The following ERC1 variants were observed in gnomAD, a reference collection of about 807,000 sequenced individuals.
ERC1 encodes the protein ELKS/RAB6-interacting/CAST family member 1, also known as RAB6 interacting protein 2.
Under a neutral mutation model 132.0 loss-of-function variants are expected in ERC1, and 56 were observed. That is an observed-to-expected ratio of 0.42 (90% confidence interval 0.34 to 0.53). ERC1 has a LOEUF of 0.53. ERC1 is among the 20% of genes least tolerant of loss of function. ERC1 has a pLI of 0.03. For missense variants in ERC1, 1,202 were observed against 1,349.9 expected (o/e 0.89, Z 1.72); for synonymous variants, 478 against 476.1 (o/e 1.00, Z -0.05).
At chr12:1,022,622 C>T (rs769022938) in intron 1 of ERC1, among the ~76,000 whole-genome samples, 41 of 151,962 alleles carry the variant, frequency 2.7e-4, no homozygotes, top group African/African-American at 9.7e-4. Flanking sequence ...ATCGTGGGGT[C>T]GGTTACCCCA....
At chr12:1,446,522 T>G (rs1283009363) in intron 18 of ERC1, among the ~76,000 whole-genome samples, 2 of 152,230 alleles carry the variant, frequency 1.3e-5, no homozygotes, top group Non-Finnish European at 2.9e-5. Context: ...TTGAAGCTAC[T>G]TACTATTTCT....
chr12:1,081,424 A>G (rs887238727), intron 2 of ERC1, among the ~76,000 whole-genome samples: 9 of 152,290 alleles, frequency 5.9e-5, no homozygotes, highest in African/African-American at 2.2e-4. Context: ...ATCTTTGGGT[A>G]TTACCAGTTT....
rs573681390 is a variant in ERC1, at chr12:1,345,187, C to CTTTTTTT, written c.2781-26641_2781-26635dup. On this transcript the variant is annotated intron_variant, in intron 15 of 18. Transcript: ENST00000360905. ...AGAGAATTTCAGTAGAATATTTCTT[C>CTTTTTTT]TTTTTTTTTTTGAGACGGAGTCTCA... is the stretch of plus-strand genomic sequence containing the variant. Among the ~76,000 whole-genome samples the CTTTTTTT allele has an allele frequency of 8.6e-4, 113 of 131,490 alleles. 4 individuals are homozygous for CTTTTTTT. The highest frequency in any genetic ancestry group is 1.3e-3 in the Non-Finnish European group (83 of 62,534). The allele number at this position is 131,490 out of a possible 152,430, so 86.3% of individuals were successfully genotyped here. A position where few individuals can be genotyped will look rare whatever the true frequency, so the allele number is the denominator to read the frequency against.
intron 16 of ERC1, among the ~76,000 whole-genome samples, chr12:1,384,680 C>G (rs2089118040): frequency 6.6e-6 from 1 of 152,008 alleles, no homozygotes; most frequent in African/African-American, 2.4e-5. Flanking sequence ...AGTATTTTCC[C>G]CCTATATTTC....
intron 2 of ERC1, among the ~76,000 whole-genome samples, chr12:1,038,044 CAA>C (rs879737756): frequency 7.8e-5 from 9 of 114,708 alleles, no homozygotes; most frequent in Admixed American, 9.1e-5. Flanking sequence ...GACTCCGTCT[CAA>C]AAAAAAAAAA....
At chr12:1,335,140 G>T (rs1178827887) in intron 15 of ERC1, among the ~76,000 whole-genome samples, 6 of 152,046 alleles carry the variant, frequency 3.9e-5, no homozygotes, top group African/African-American at 9.7e-5. Flanking sequence ...AAGACGATGG[G>T]GTTTTCTAGA....
At chr12:1,120,251 C>G (rs1291130072) in intron 7 of ERC1, among the ~76,000 whole-genome samples, 1 of 152,090 alleles carries the variant, frequency 6.6e-6, no homozygotes, top group African/African-American at 2.4e-5. Flanking sequence ...GCCTCAGCCC[C>G]CAAAGCACAA....
At chr12:1,094,884 C>G (rs1431706723) in intron 3 of ERC1, among the ~76,000 whole-genome samples, 6 of 152,074 alleles carry the variant, frequency 3.9e-5, no homozygotes. Flanking sequence ...TTTACCCTCC[C>G]TTCTTTTTTA....
rs1305625216 is a variant in ERC1 at position 1,408,215 on chromosome 12, A to G, written c.2992A>G (p.Asn998Asp). 1.2e-6 allele frequency: 2 copies of G among 1,613,904 alleles called. No homozygotes were observed. Among genetic ancestry groups the G allele is most frequent in the African/African-American group, 2.7e-5 (2 of 74,930 alleles). The part of the protein sequence containing the change: ...EDDHFKSSHS[N>D]QTNHKPSPDQ... ...TGACCACTTCAAATCCTCCCATTCC[A>G]ATCAAACAAATCACAAGCCCTCCCC... Residue 998 changes from asparagine to aspartate, a missense_variant, in exon 17 of 19, where the codon AAT becomes GAT. Coordinates refer to ENST00000360905, the MANE Select transcript of ERC1 (RefSeq NM_178040.4).
chr12:1,300,869 A>G (rs1417571359), intron 15 of ERC1, among the ~76,000 whole-genome samples: 1 of 152,184 alleles, frequency 6.6e-6, no homozygotes, highest in Non-Finnish European at 1.5e-5. Flanking sequence ...AATTAGTTCA[A>G]CCATTGTGGA....
At chr12:1,294,200 T>C (rs1438342639) in intron 15 of ERC1, among the ~76,000 whole-genome samples, 1 of 152,226 alleles carries the variant, frequency 6.6e-6, no homozygotes, top group Admixed American at 6.5e-5. Context: ...TTCTTTACTT[T>C]CTTGTGACAT....
chr12:1,400,914 G>GTATTAT (rs1360966932), intron 16 of ERC1, among the ~76,000 whole-genome samples: 4 of 11,118 alleles, frequency 3.6e-4, no homozygotes, highest in African/African-American at 1.7e-3. Context: ...GGCTATTTTT[G>GTATTAT]TATTTTTTTT....
chr12:1,400,914 G>GTTTTTTTTTTTTTT lies in ERC1; in HGVS notation c.2926-7234_2926-7233insTTTTTTTTTTTTTT, dbSNP rs1566774897. On this transcript the variant is annotated intron_variant, in intron 16 of 18. Coordinates refer to ENST00000360905, the MANE Select transcript of ERC1 (RefSeq NM_178040.4). ...ATTCAATATTGTTTTGGCTATTTTT[G>GTTTTTTTTTTTTTT]TATTTTTTTTTTTTTTTTTTTTTTT... Among the ~76,000 whole-genome samples, 2 of 11,118 alleles carry GTTTTTTTTTTTTTT rather than the reference G, an allele frequency of 1.8e-4. 1 individual carries two copies. Among genetic ancestry groups the GTTTTTTTTTTTTTT allele is most frequent in the African/African-American group, 1.1e-3 (2 of 1,780 alleles). The allele number at this position is 11,118 out of a possible 152,430, so 7.3% of individuals were successfully genotyped here.
chr12:1,354,620 A>G (rs1393924826), intron 15 of ERC1, among the ~76,000 whole-genome samples: 2 of 152,122 alleles, frequency 1.3e-5, no homozygotes, highest in East Asian at 3.9e-4. Context: ...TACCCAGTTC[A>G]TTCATACTCT....
chr12:1,405,573 G>C (rs976379671), intron 16 of ERC1, among the ~76,000 whole-genome samples: 2 of 151,898 alleles, frequency 1.3e-5, no homozygotes, highest in Non-Finnish European at 2.9e-5. Context: ...CGTGGTGGCA[G>C]GCGCCTGTAA....
At chr12:1,398,846 T>G (rs1310508768) in intron 16 of ERC1, among the ~76,000 whole-genome samples, 2 of 150,468 alleles carry the variant, frequency 1.3e-5, no homozygotes, top group African/African-American at 4.9e-5. Flanking sequence ...CTTGCACACA[T>G]CTATTCATTT....
chr12:1,213,685 C>T (rs1309621084), intron 12 of ERC1, among the ~76,000 whole-genome samples: 1 of 146,618 alleles, frequency 6.8e-6, no homozygotes, highest in Non-Finnish European at 1.5e-5. Flanking sequence ...TGCAGTGAGC[C>T]GAGATCACTG....
intron 14 of ERC1, among the ~76,000 whole-genome samples, chr12:1,289,153 A>G (rs1265385111): frequency 6.8e-6 from 1 of 146,770 alleles, no homozygotes; most frequent in Non-Finnish European, 1.5e-5. Flanking sequence ...GTATATAGGG[A>G]TATATTTCCT....
intron 4 of ERC1, among the ~76,000 whole-genome samples, chr12:1,107,045 A>G (rs1488198042): frequency 6.6e-6 from 1 of 152,180 alleles, no homozygotes; most frequent in Non-Finnish European, 1.5e-5. Context: ...AAAAGAGCCC[A>G]GTAATCTTGA....
Sources: allele counts gnomAD v4.1 joint callset (sites outside exome capture counted in the v4.1 genomes callset), GRCh38; gene constraint gnomAD v4.1.1; transcripts MANE v1.5; gene names NCBI Gene and HGNC (gene_info 2026-07-23, HGNC 2026-07-21).